CCDC158: variants seen among roughly 807,000 people sequenced by gnomAD.
The protein encoded by CCDC158 is coiled-coil domain-containing protein 158.
Under a neutral mutation model 138.6 loss-of-function variants are expected in CCDC158, and 116 were observed. The ratio of observed to expected loss-of-function variants is 0.84; its 90% CI spans 0.72 to 0.98. The LOEUF (loss-of-function observed/expected upper bound fraction) is 0.98. Among genes scored for constraint, CCDC158 ranks in the 50% least tolerant of loss-of-function variants. The pLI, the probability that CCDC158 is intolerant of heterozygous loss-of-function variation, is 0.00. For synonymous variants in CCDC158, 436 were observed against 442.4 expected (o/e 0.99, Z 0.18); for missense variants, 1,265 against 1,306.1 (o/e 0.97, Z 0.48).
At chr4:76,414,031 C>T (rs1409421271) in intron 1 of CCDC158, among the ~76,000 whole-genome samples, 1 of 152,062 alleles carries the variant, frequency 6.6e-6, no homozygotes, top group Non-Finnish European at 1.5e-5. Context: ...ACCTCAGTCC[C>T]CCAAGTAGCT....
rs1372057028 is a variant in CCDC158 at position 76,353,242 on chromosome 4, G to A, written c.2326C>T (p.Gln776Ter). 6.2e-7 allele frequency: 1 copy of A among 1,610,660 alleles called. No homozygotes were observed. Among genetic ancestry groups the A allele is most frequent in the African/African-American group, 1.3e-5 (1 of 74,682 alleles). Residue 776 changes from glutamine (Q) to a stop codon, truncating the protein, a stop_gained, in exon 16 of 25, where the codon CAG becomes TAG. Coordinates refer to ENST00000682701, the MANE Select transcript of CCDC158 (RefSeq NM_001394954.1). LOFTEE classifies it high-confidence loss of function. Reference sequence around the variant, plus strand: ...TCTGTGGCAACAGTACTCAATTCCTGACTGAGTTTACTTTTCTCTTCTTTC... The same window carrying A: ...TCTGTGGCAACAGTACTCAATTCCTAACTGAGTTTACTTTTCTCTTCTTTC... ...FLKEEKSKLS[Q>*]ELSTVATEKN...
intron 2 of CCDC158, among the ~76,000 whole-genome samples, chr4:76,409,788 G>T (rs1450735195): frequency 6.6e-6 from 1 of 151,904 alleles, no homozygotes; most frequent in Non-Finnish European, 1.5e-5. Context: ...CGGAGATCAC[G>T]CCACTGCACT....
At chr4:76,378,049 T>C (rs926319934) in intron 9 of CCDC158, among the ~76,000 whole-genome samples, 1 of 152,246 alleles carries the variant, frequency 6.6e-6, no homozygotes, top group African/African-American at 2.4e-5. Flanking sequence ...CCCACATCTA[T>C]AACTGAGATT....
intron 1 of CCDC158, among the ~76,000 whole-genome samples, chr4:76,417,919 T>G (rs1351489231): frequency 6.6e-6 from 1 of 151,998 alleles, no homozygotes; most frequent in Admixed American, 6.6e-5. Context: ...GGTAGCTAAG[T>G]GGGGATGAGA....
At chr4:76,368,629 G>C in intron 11 of CCDC158, among the ~76,000 whole-genome samples, 1 of 152,144 alleles carries the variant, frequency 6.6e-6, no homozygotes, top group East Asian at 1.9e-4. Context: ...TCCACGTTTT[G>C]CTACTGGAGG....
intron 1 of CCDC158, among the ~76,000 whole-genome samples, chr4:76,415,295 G>A (rs1729602678): frequency 6.6e-6 from 1 of 152,162 alleles, no homozygotes. Flanking sequence ...AACCATTAGA[G>A]AGGTGACCCG....
chr4:76,391,457 C>A (rs28763360), intron 4 of CCDC158, among the ~76,000 whole-genome samples: 4,472 of 151,714 alleles, frequency 0.029, 218 homozygotes, highest in African/African-American at 0.1. Flanking sequence ...TTAAGAAGGA[C>A]ATTTAAAATT....
intron 18 of CCDC158, among the ~76,000 whole-genome samples, chr4:76,337,458 G>A (rs1327346270): frequency 6.6e-6 from 1 of 152,176 alleles, no homozygotes; most frequent in African/African-American, 2.4e-5. Context: ...ACTGCTGGGT[G>A]TGGTGGCTCA....
At chr4:76,383,533 A>G in intron 7 of CCDC158, 129 bp downstream of exon 7, 1 of 642,980 alleles carries the variant, frequency 1.6e-6, no homozygotes, top group Non-Finnish European at 2.8e-6. Flanking sequence ...TGTTAACATG[A>G]GTTTCCTATA....
At chr4:76,405,758 GA>G (rs1728769877) in intron 2 of CCDC158, among the ~76,000 whole-genome samples, 1 of 152,068 alleles carries the variant, frequency 6.6e-6, no homozygotes, top group Non-Finnish European at 1.5e-5. Flanking sequence ...TTAAAACTGA[GA>G]AAAAGTAAAA....
At chr4:76,349,476 C>T (rs1351125889) in intron 18 of CCDC158, among the ~76,000 whole-genome samples, 2 of 152,180 alleles carry the variant, frequency 1.3e-5, no homozygotes, top group African/African-American at 4.8e-5. Context: ...TGAGACAAGC[C>T]TGGGCAACAT....
At chr4:76,336,238 T>G (rs923320649) in intron 18 of CCDC158, among the ~76,000 whole-genome samples, 1 of 145,114 alleles carries the variant, frequency 6.9e-6, no homozygotes, top group Non-Finnish European at 1.5e-5. Flanking sequence ...ACTTAGAAAT[T>G]AATTATAATC....
chr4:76,374,071 G>T (rs776316197), intron 9 of CCDC158, among the ~76,000 whole-genome samples: 1 of 152,136 alleles, frequency 6.6e-6, no homozygotes, highest in Admixed American at 6.5e-5. Context: ...TGGGAGGATC[G>T]CTTGAGCCTG....
At chr4:76,413,498 GA>G (rs1188034184) in intron 1 of CCDC158, among the ~76,000 whole-genome samples, 1 of 148,750 alleles carries the variant, frequency 6.7e-6, no homozygotes, top group Non-Finnish European at 1.5e-5. Flanking sequence ...AAAAGGAAAA[GA>G]AAAAAATGAA....
rs141747146 is a variant in CCDC158 at position 76,340,183 on chromosome 4, T to C, written c.2665-6016A>G. ...TGCATTCAAAGTCAAACTGGAATTA[T>C]GGGAGCAATGAGTTAACATTGGGAT... On this transcript the variant is annotated intron_variant, in intron 18 of 24. Coordinates refer to ENST00000682701, the MANE Select transcript of CCDC158 (RefSeq NM_001394954.1). 2.9e-3 allele frequency among the ~76,000 whole-genome samples: 435 copies of C among 152,364 alleles called. 2 individuals are homozygous for C. Among genetic ancestry groups the C allele is most frequent in the African/African-American group, 9.4e-3 (390 of 41,592 alleles).
intron 7 of CCDC158, 23 bp from the exon 8 acceptor site, chr4:76,382,743 G>A: frequency 6.9e-7 from 1 of 1,459,498 alleles, no homozygotes; most frequent in Non-Finnish European, 9.6e-7. Context: ...TGTGGTGATT[G>A]TCATTTGATA....
intron 4 of CCDC158, among the ~76,000 whole-genome samples, chr4:76,392,040 A>C (rs1020554973): frequency 2.0e-5 from 3 of 151,956 alleles, no homozygotes; most frequent in Non-Finnish European, 4.4e-5. Context: ...CTGAATACCA[A>C]ACATTTAAAG....
intron 2 of CCDC158, among the ~76,000 whole-genome samples, chr4:76,411,167 A>C (rs13435841): frequency 0.029 from 4,445 of 152,240 alleles, 219 homozygotes; most frequent in African/African-American, 0.1. Flanking sequence ...TTTGGGAAGC[A>C]AAGGTGGGCG....
intron 13 of CCDC158, among the ~76,000 whole-genome samples, chr4:76,361,330 A>T (rs1041516625): frequency 5.9e-5 from 9 of 152,180 alleles, no homozygotes; most frequent in African/African-American, 1.2e-4. Flanking sequence ...TGGGAGGCTG[A>T]GGCAGGTGGA....
Sources: gnomAD v4.1 joint callset for allele counts (sites outside exome capture counted in the v4.1 genomes callset) on GRCh38, gnomAD v4.1.1 for gene constraint, MANE v1.5 for transcripts, NCBI Gene and HGNC (gene_info 2026-07-23, HGNC 2026-07-21) for gene names.